Variants in ITGB2 observed in about 807,000 individuals in gnomAD.
ITGB2 encodes the protein integrin subunit beta 2.
In ITGB2, 56 loss-of-function variants were observed where a neutral mutation model predicts 86.8. That is an observed-to-expected ratio of 0.65 (90% CI 0.52 to 0.81). The LOEUF is 0.81. Among genes scored for constraint, ITGB2 ranks in the 30% least tolerant of loss-of-function variants. ITGB2 has a pLI of 0.00. For synonymous variants in ITGB2, 457 were observed against 450.4 expected (o/e 1.01, Z -0.19); for missense variants, 948 against 1,061.2 (o/e 0.89, Z 1.48).
intron 10 of ITGB2, 35 bp downstream of exon 10, chr21:44,893,369 C>A (rs1489887986): frequency 1.2e-6 from 2 of 1,610,608 alleles, no homozygotes; most frequent in Admixed American, 1.7e-5. Flanking sequence ...AGCCCCTCAG[C>A]AAGCTGGGAT....
intron 3 of ITGB2, chr21:44,907,925 A>G (rs1025851266): frequency 6.7e-6 from 4 of 597,848 alleles, no homozygotes; most frequent in Admixed American, 5.7e-5. Context: ...AAAGTACATC[A>G]GCAAGTATCC....
At chr21:44,891,258 C>T (rs2083781858) in intron 11 of ITGB2, among the ~76,000 whole-genome samples, 2 of 152,162 alleles carry the variant, frequency 1.3e-5, no homozygotes, top group Non-Finnish European at 2.9e-5. Flanking sequence ...GTGGGGTGCC[C>T]ACGCCTGGCA....
At position 44,893,498 on chromosome 21, in the gene ITGB2, G is replaced by A. The variant is rs1358715328; in HGVS notation, c.1130C>T (p.Thr377Ile). ...GAAGGAGTCGTAGGTGACTTTCAGG[G>A]TGTCGGGGAGGGCGTTGTGATCCAG... ...VFLDHNALPD[T>I]LKVTYDSFCS... The change falls in exon 10 of 16, where the codon ACC becomes ATC. Residue 377 changes from threonine (T) to isoleucine (I), a missense_variant. By Grantham distance (89) the Thr-to-Ile change is moderately conservative (BLOSUM62 -1). Transcript: ENST00000652462. The A allele has an allele frequency of 8.7e-6, 14 of 1,614,054 alleles. No homozygotes were observed. Among genetic ancestry groups the A allele is most frequent in the Non-Finnish European group, 1.1e-5 (13 of 1,180,016 alleles).
At chr21:44,919,598 C>T (rs1369800131) in intron 1 of ITGB2, among the ~76,000 whole-genome samples, 1 of 152,214 alleles carries the variant, frequency 6.6e-6, no homozygotes, top group Non-Finnish European at 1.5e-5. Flanking sequence ...CCTCAGCCCC[C>T]AAACCCGCAG....
chr21:44,907,207 G>T, intron 3 of ITGB2, 112 bp from the exon 4 acceptor site: 2 of 779,786 alleles, frequency 2.6e-6, no homozygotes, highest in Non-Finnish European at 4.1e-6. Flanking sequence ...TCTGCGCCTG[G>T]AATTTGGGAC....
In ITGB2 at chr21:44,889,229, G is replaced by A. The variant is rs371185123; in HGVS notation, c.1877+47C>T. 2.8e-4 allele frequency: 444 copies of A among 1,576,130 alleles called. 1 individual carries two copies. The highest frequency in any genetic ancestry group is 3.4e-4 in the Non-Finnish European group (393 of 1,148,748). On this transcript the variant is annotated intron_variant, in intron 13 of 15. Transcript: ENST00000652462. Reference sequence around the variant, plus strand: ...GAGCCCGGCTGCTGGGTAGGTGGCCGGGGAGTGGGGATCCCTGCCCGCCCT... The same window carrying A: ...GAGCCCGGCTGCTGGGTAGGTGGCCAGGGAGTGGGGATCCCTGCCCGCCCT...
chr21:44,917,277 A>C (rs557986148), intron 1 of ITGB2, among the ~76,000 whole-genome samples: 1 of 152,330 alleles, frequency 6.6e-6, no homozygotes, highest in African/African-American at 2.4e-5. Context: ...TGCTCAGGGC[A>C]GCTTGGCTTC....
chr21:44,886,677 T>C, intron 15 of ITGB2, 59 bp downstream of exon 15: 2 of 1,605,134 alleles, frequency 1.2e-6, no homozygotes, highest in Non-Finnish European at 1.7e-6. Flanking sequence ...CAGCAGGAGG[T>C]CGCATAGTGT....
chr21:44,900,608 C>T, intron 6 of ITGB2, 133 bp from the exon 7 acceptor site: 1 of 1,088,394 alleles, frequency 9.2e-7, no homozygotes. Flanking sequence ...CCCTGGGTCT[C>T]AGGGACCCAG....
chr21:44,903,526 G>A lies in ITGB2; in HGVS notation c.338C>T (p.Ala113Val). The change falls in exon 5 of 16, where the codon GCA (alanine) becomes GTA (valine). Residue 113 changes from alanine to valine, a missense_variant. Physicochemically the swap from Ala to Val is moderately conservative, Grantham distance 64 (BLOSUM62 0). Coordinates refer to ENST00000652462, the MANE Select transcript of ITGB2 (RefSeq NM_000211.5). ...CCGCCGGAAGGTCACGTTGAACGCT[G>A]CTGCCTGGCCTGCCGGTGGGGACAG... The part of the protein sequence containing the change: ...VTLYLRPGQA[A>V]AFNVTFRRAK... 1 of 1,614,006 alleles carries A rather than the reference G, an allele frequency of 6.2e-7. No individual in the cohort carries two copies. Among genetic ancestry groups the A allele is most frequent in the Non-Finnish European group, 8.5e-7 (1 of 1,179,948 alleles).
rs1266856052 is a variant in ITGB2, at chr21:44,890,229, A to C, written c.1413-7T>G. Reference sequence around the variant, plus strand: ...AATGTAGCCAGTGTCACACCTGGGGACAGGAGGGGCCCCAAGGTCAGGCTC... The same window carrying C: ...AATGTAGCCAGTGTCACACCTGGGGCCAGGAGGGGCCCCAAGGTCAGGCTC... On this transcript the variant is annotated splice_region_variant and splice_polypyrimidine_tract_variant and intron_variant, in intron 11 of 15. Transcript: ENST00000652462. 6.2e-7 allele frequency: 1 copy of C among 1,612,800 alleles called. No homozygotes were observed. The highest frequency in any genetic ancestry group is 1.1e-5 in the South Asian group (1 of 91,074).
chr21:44,890,162 C>G lies in ITGB2; in HGVS notation c.1473G>C (p.Gln491His), dbSNP rs1052256139. The change falls in exon 12 of 16, where the codon CAG becomes CAC. Residue 491 changes from glutamine to histidine, a missense_variant. By Grantham distance (24) the Gln-to-His change is conservative. Coordinates refer to ENST00000652462, the MANE Select transcript of ITGB2 (RefSeq NM_000211.5). The part of the protein sequence containing the change: ...CECQTQGRSS[Q>H]ELEGSCRKDN... ...CCTTCCGGCAGCTTCCTTCCAGCTCCTGGCTGCTCCGGCCCTGTGTCTGGC... is the reference window on the plus strand; with the variant it reads ...CCTTCCGGCAGCTTCCTTCCAGCTCGTGGCTGCTCCGGCCCTGTGTCTGGC... 3.8e-5 allele frequency: 62 copies of G among 1,613,230 alleles called. 1 individual carries two copies. Among genetic ancestry groups the G allele is most frequent in the Non-Finnish European group, 5.0e-5 (59 of 1,180,016 alleles).
chr21:44,894,088 GC>G, intron 9 of ITGB2: 2 of 230,180 alleles, frequency 8.7e-6, no homozygotes, highest in South Asian at 1.2e-4. Flanking sequence ...GTTCATAGGG[GC>G]ATCGGGTGAA....
intron 4 of ITGB2, among the ~76,000 whole-genome samples, chr21:44,906,367 C>T (rs1208799995): frequency 6.6e-6 from 1 of 152,060 alleles, no homozygotes; most frequent in Admixed American, 6.5e-5. Context: ...GTGATCCACC[C>T]GCCTCGGCCT....
chr21:44,913,800 T>C (rs2084165789), intron 1 of ITGB2, among the ~76,000 whole-genome samples: 1 of 152,160 alleles, frequency 6.6e-6, no homozygotes, highest in African/African-American at 2.4e-5. Flanking sequence ...ATCAGGCCTA[T>C]CTGCCTCAGT....
intron 1 of ITGB2, among the ~76,000 whole-genome samples, chr21:44,915,871 G>A (rs1222975093): frequency 6.6e-6 from 1 of 152,186 alleles, no homozygotes; most frequent in African/African-American, 2.4e-5. Context: ...TCAGGGAGAC[G>A]TGTTCCTACT....
rs374246622 is a variant in ITGB2, at chr21:44,891,801, C to G, written c.1412+8G>C. On this transcript the variant is annotated splice_region_variant and intron_variant, in intron 11 of 15. Coordinates refer to ENST00000652462, the MANE Select transcript of ITGB2 (RefSeq NM_000211.5). ...GGATGGTTCAACAGGGACCTGCGCC[C>G]GCCTCACCTGCAGATGCCGCACTCC... is the stretch of plus-strand genomic sequence containing the variant. 1.2e-6 allele frequency: 2 copies of G among 1,602,424 alleles called. No homozygotes were observed. The highest frequency in any genetic ancestry group is 2.2e-5 in the East Asian group (1 of 44,892).
chr21:44,893,502 C>T lies in ITGB2; in HGVS notation c.1126G>A (p.Asp376Asn), dbSNP rs371120443. The T allele has an allele frequency of 1.7e-5, 28 of 1,613,912 alleles. No homozygotes were observed. The highest frequency in any genetic ancestry group is 5.5e-5 in the South Asian group (5 of 91,068). ...RVFLDHNALP[D>N]TLKVTYDSFC... The stretch of plus-strand genomic sequence containing the variant: ...GAGTCGTAGGTGACTTTCAGGGTGT[C>T]GGGGAGGGCGTTGTGATCCAGGAAG... Residue 376 changes from aspartate to asparagine, a missense_variant, in exon 10 of 16, where the codon GAC (aspartate) becomes AAC (asparagine). Coordinates refer to ENST00000652462, the MANE Select transcript of ITGB2 (RefSeq NM_000211.5).
intron 11 of ITGB2, among the ~76,000 whole-genome samples, chr21:44,890,563 G>A (rs549465431): frequency 7.2e-5 from 11 of 152,294 alleles, no homozygotes; most frequent in Non-Finnish European, 1.5e-4. Context: ...CTGCTCCTGC[G>A]TGCCCCACAT....
Sources: allele counts gnomAD v4.1 joint callset (sites outside exome capture counted in the v4.1 genomes callset), GRCh38; gene constraint gnomAD v4.1.1; transcripts MANE v1.5; gene names NCBI Gene and HGNC (gene_info 2026-07-23, HGNC 2026-07-21).